The following COMMD10 variants were observed in gnomAD, a reference collection of about 807,000 sequenced individuals.
COMMD10 encodes the protein COMM domain-containing protein 10.
In COMMD10, 33 loss-of-function variants were observed where a neutral mutation model predicts 28.9. The observed-to-expected ratio is 1.14, with a 90% CI of 0.87 to 1.53. The LOEUF (loss-of-function observed/expected upper bound fraction) is 1.53, where lower values mean the gene tolerates loss of function less well. Among genes scored for constraint, COMMD10 ranks in the 40% most tolerant of loss-of-function variants. COMMD10 has a pLI of 0.00. For missense variants in COMMD10, 310 were observed against 233.4 expected (o/e 1.33, Z -2.14); for synonymous variants, 110 against 81.7 (o/e 1.35, Z -1.87).
intron 5 of COMMD10, among the ~76,000 whole-genome samples, chr5:116,210,562 A>G (rs1156654729): frequency 2.0e-5 from 3 of 152,114 alleles, no homozygotes; most frequent in Admixed American, 2.0e-4. Flanking sequence ...AGATCACATT[A>G]CAAACTTACT....
In COMMD10 at chr5:116,270,749, G is replaced by A. The variant is rs539444105; in HGVS notation, c.511-20768G>A. The stretch of plus-strand genomic sequence containing the variant: ...GTCAGGAGCTCACGACCAGCCTGAC[G>A]AACATGGTGAAACCCCATCTCTACT... On this transcript the variant is annotated intron_variant, in intron 5 of 6. Coordinates refer to ENST00000274458, the MANE Select transcript of COMMD10 (RefSeq NM_016144.4). 9.6e-4 allele frequency among the ~76,000 whole-genome samples: 145 copies of A among 151,678 alleles called. 8 individuals are homozygous for A. Among genetic ancestry groups the A allele is most frequent in the African/African-American group, 3.3e-3 (137 of 41,140 alleles).
At chr5:116,283,132 A>G (rs575923589) in intron 5 of COMMD10, among the ~76,000 whole-genome samples, 16 of 152,014 alleles carry the variant, frequency 1.1e-4, no homozygotes, top group African/African-American at 3.9e-4. Flanking sequence ...CTTTTATCTC[A>G]AGAGGAATCA....
intron 4 of COMMD10, among the ~76,000 whole-genome samples, chr5:116,129,505 CT>C (rs1293146151): frequency 2.3e-3 from 3 of 1,290 alleles, no homozygotes; most frequent in African/African-American, 7.6e-3. Context: ...TATATATATA[CT>C]ATATACTAAT....
At chr5:116,089,131 A>T (rs996625924) in intron 2 of COMMD10, among the ~76,000 whole-genome samples, 2 of 152,266 alleles carry the variant, frequency 1.3e-5, no homozygotes, top group Non-Finnish European at 2.9e-5. Context: ...TTTGCTGTTC[A>T]TAAAGTTACA....
chr5:116,258,188 C>T (rs952910923), intron 5 of COMMD10, among the ~76,000 whole-genome samples: 4 of 151,608 alleles, frequency 2.6e-5, no homozygotes, highest in African/African-American at 9.7e-5. Flanking sequence ...AGTTTGAATA[C>T]ATCCAAAACC....
chr5:116,130,642 A>G (rs1344923929), intron 4 of COMMD10, among the ~76,000 whole-genome samples: 1 of 151,972 alleles, frequency 6.6e-6, no homozygotes, highest in Non-Finnish European at 1.5e-5. Context: ...CTTTTCATTC[A>G]GTTATCAAAT....
chr5:116,246,019 C>T (rs570001564), intron 5 of COMMD10, among the ~76,000 whole-genome samples: 4 of 152,050 alleles, frequency 2.6e-5, no homozygotes, highest in Admixed American at 6.6e-5. Flanking sequence ...AAAGGGCATC[C>T]AAATAGGAAG....
At chr5:116,110,821 CA>C (rs139287334) in intron 4 of COMMD10, among the ~76,000 whole-genome samples, 1,900 of 152,236 alleles carry the variant, frequency 0.012, 51 homozygotes, top group African/African-American at 0.043. Flanking sequence ...AGGTGCTACA[CA>C]CTTTTAAACC....
intron 5 of COMMD10, among the ~76,000 whole-genome samples, chr5:116,262,647 G>T (rs764885767): frequency 6.6e-6 from 1 of 151,798 alleles, no homozygotes; most frequent in Non-Finnish European, 1.5e-5. Flanking sequence ...TTAAGTCTGT[G>T]TATTCCCAAG....
intron 1 of COMMD10, among the ~76,000 whole-genome samples, chr5:116,086,833 C>G (rs1371558624): frequency 2.6e-5 from 4 of 152,014 alleles, no homozygotes; most frequent in Non-Finnish European, 5.9e-5. Flanking sequence ...CAAAAATTAG[C>G]CAGCGCTGTG....
chr5:116,285,947 T>G (rs1751209027), intron 5 of COMMD10, among the ~76,000 whole-genome samples: 1 of 151,908 alleles, frequency 6.6e-6, no homozygotes, highest in Non-Finnish European at 1.5e-5. Flanking sequence ...GGATGTTAAT[T>G]CTTTAAATGT....
intron 5 of COMMD10, among the ~76,000 whole-genome samples, chr5:116,290,645 G>A (rs547825308): frequency 1.3e-5 from 2 of 151,966 alleles, no homozygotes; most frequent in Admixed American, 6.6e-5. Flanking sequence ...TACTTCTTTA[G>A]TTCATGATGC....
chr5:116,204,605 C>T (rs1748763938), intron 5 of COMMD10, among the ~76,000 whole-genome samples: 2 of 152,094 alleles, frequency 1.3e-5, no homozygotes, highest in Non-Finnish European at 2.9e-5. Context: ...TGCCTTTCCC[C>T]TTTATTTGAA....
intron 5 of COMMD10, among the ~76,000 whole-genome samples, chr5:116,199,840 G>T (rs1006555289): frequency 6.6e-6 from 1 of 152,114 alleles, no homozygotes; most frequent in African/African-American, 2.4e-5. Context: ...CAATCCTCCA[G>T]AGTATCTGGG....
At chr5:116,246,632 A>G (rs571716960) in intron 5 of COMMD10, among the ~76,000 whole-genome samples, 7 of 152,232 alleles carry the variant, frequency 4.6e-5, no homozygotes, top group African/African-American at 1.4e-4. Flanking sequence ...TATTAGTACA[A>G]AAAAAGACAC....
At chr5:116,170,693 C>G (rs191911806) in intron 5 of COMMD10, among the ~76,000 whole-genome samples, 2 of 152,094 alleles carry the variant, frequency 1.3e-5, no homozygotes, top group Non-Finnish European at 2.9e-5. Context: ...ACATCTACAA[C>G]CATCTGATCT....
chr5:116,107,538 A>T (rs1405846919), intron 4 of COMMD10, among the ~76,000 whole-genome samples: 1 of 150,990 alleles, frequency 6.6e-6, no homozygotes, highest in African/African-American at 2.4e-5. Flanking sequence ...GAGGTCATTT[A>T]TGTTCTTCTC....
chr5:116,260,605 G>C (rs1750417924), intron 5 of COMMD10, among the ~76,000 whole-genome samples: 1 of 151,804 alleles, frequency 6.6e-6, no homozygotes, highest in Non-Finnish European at 1.5e-5. Flanking sequence ...TTCTATGCAA[G>C]ATTTAGTAAA....
chr5:116,201,665 T>G (rs899258209), intron 5 of COMMD10, among the ~76,000 whole-genome samples: 2 of 152,042 alleles, frequency 1.3e-5, no homozygotes, highest in Non-Finnish European at 2.9e-5. Context: ...CTTCCAAGCT[T>G]CTTACATGCC....
Sources: gnomAD v4.1 joint callset for allele counts (sites outside exome capture counted in the v4.1 genomes callset) on GRCh38, gnomAD v4.1.1 for gene constraint, MANE v1.5 for transcripts, NCBI Gene and HGNC (gene_info 2026-07-23, HGNC 2026-07-21) for gene names.